UNC79: variants seen among roughly 807,000 people sequenced by gnomAD.
The protein encoded by UNC79 is unc-79 subunit of NALCN channel complex.
Under a neutral mutation model 283.1 loss-of-function variants are expected in UNC79, and 37 were observed. That is an observed-to-expected ratio of 0.13 (90% CI 0.10 to 0.17). UNC79 has a LOEUF of 0.17. UNC79 is among the 10% of genes least tolerant of loss of function. The pLI, the probability that UNC79 is intolerant of heterozygous loss-of-function variation, is 1.00. For missense variants in UNC79, 2,272 were observed against 3,211.1 expected (o/e 0.71, Z 7.07); for synonymous variants, 1,107 against 1,200.2 (o/e 0.92, Z 1.61).
chr14:93,387,661 T>C (rs567730373), intron 1 of UNC79, among the ~76,000 whole-genome samples: 4 of 152,360 alleles, frequency 2.6e-5, no homozygotes, highest in Non-Finnish European at 5.9e-5. Flanking sequence ...AACTAACACA[T>C]GGTCCTTCCT....
At chr14:93,604,683 C>A (rs547300986) in intron 26 of UNC79, among the ~76,000 whole-genome samples, 1 of 152,244 alleles carries the variant, frequency 6.6e-6, no homozygotes, top group African/African-American at 2.4e-5. Flanking sequence ...ATTCACATGA[C>A]AATTTTGAAG....
intron 1 of UNC79, among the ~76,000 whole-genome samples, chr14:93,455,367 T>C (rs142480734): frequency 6.2e-4 from 94 of 152,314 alleles, no homozygotes; most frequent in Non-Finnish European, 6.6e-4. Flanking sequence ...CATTTCTGAA[T>C]ATATCTTTTT....
chr14:93,621,384 G>A lies in UNC79; in HGVS notation c.4388-237G>A, dbSNP rs948300155. ...ATGAACAGAGCTGAGGAATTATCCC[G>A]AAGCCCGATTTTGGAAATCAGATCT... On this transcript the variant is annotated intron_variant, in intron 29 of 48. Transcript: ENST00000555664. The surrounding 1 kb of genome is among the most constrained non-coding windows in gnomAD (Gnocchi z 4.8). 6.6e-6 allele frequency among the ~76,000 whole-genome samples: 1 copy of A among 152,276 alleles called. No homozygotes were observed. The highest frequency in any genetic ancestry group is 2.1e-4 in the South Asian group (1 of 4,826).
intron 14 of UNC79, among the ~76,000 whole-genome samples, chr14:93,562,898 C>T (rs992138652): frequency 2.0e-5 from 3 of 152,088 alleles, no homozygotes; most frequent in African/African-American, 4.8e-5. Flanking sequence ...GGCAAATCCC[C>T]GAGCTTGATG....
At chr14:93,587,015 C>A (rs2064268044) in intron 22 of UNC79, 107 bp downstream of exon 22, 5 of 1,376,538 alleles carry the variant, frequency 3.6e-6, no homozygotes, top group Non-Finnish European at 4.9e-6. Flanking sequence ...TTTTTTGAGC[C>A]AGGACAGCTC....
chr14:93,362,431 C>T (rs777331027), intron 1 of UNC79, among the ~76,000 whole-genome samples: 1 of 152,106 alleles, frequency 6.6e-6, no homozygotes, highest in Non-Finnish European at 1.5e-5. Context: ...TCACTGCAAC[C>T]TCCACCTCCC....
intron 27 of UNC79, among the ~76,000 whole-genome samples, chr14:93,615,234 G>C (rs927717306): frequency 2.0e-5 from 3 of 152,148 alleles, no homozygotes; most frequent in Non-Finnish European, 4.4e-5. Flanking sequence ...TTGTCAATTA[G>C]CTCAAATAGA....
chr14:93,408,379 AC>A (rs1566917350), intron 1 of UNC79, among the ~76,000 whole-genome samples: 3 of 152,226 alleles, frequency 2.0e-5, no homozygotes, highest in Non-Finnish European at 4.4e-5. Context: ...CCTAAAGTAA[AC>A]TATGGACTTT....
chr14:93,680,890 C>G (rs1037076305), intron 41 of UNC79, among the ~76,000 whole-genome samples: 2 of 152,202 alleles, frequency 1.3e-5, no homozygotes, highest in Admixed American at 6.5e-5. Context: ...GGGAGTGTTC[C>G]TTCTGTTCAC....
At chr14:93,372,986 C>T (rs549004674) in intron 1 of UNC79, among the ~76,000 whole-genome samples, 22 of 152,172 alleles carry the variant, frequency 1.4e-4, no homozygotes, top group East Asian at 3.9e-4. Flanking sequence ...CACAATGAAA[C>T]GAAACCAGAA....
At chr14:93,358,066 A>C (rs1418528852) in intron 1 of UNC79, among the ~76,000 whole-genome samples, 4 of 151,280 alleles carry the variant, frequency 2.6e-5, no homozygotes, top group African/African-American at 9.7e-5. Context: ...GAGGAACAGA[A>C]TATTAAGGAT....
intron 7 of UNC79, among the ~76,000 whole-genome samples, chr14:93,519,690 C>T (rs1245049354): frequency 6.6e-6 from 1 of 150,780 alleles, no homozygotes; most frequent in Non-Finnish European, 1.5e-5. Flanking sequence ...TATTTTATTT[C>T]TGTATTGTAC....
Position 93,690,044 on chromosome 14 carries a change from A to G in UNC79, c.7086-73A>G, listed in dbSNP as rs2074567194. 4 of 1,513,262 alleles carry G rather than the reference A, an allele frequency of 2.6e-6. No homozygotes were observed. Among genetic ancestry groups the G allele is most frequent in the Non-Finnish European group, 3.6e-6 (4 of 1,111,478 alleles). The allele number at this position is 1,513,262 out of a possible 1,614,324, so 93.7% of individuals were successfully genotyped here. On this transcript the variant is annotated intron_variant, in intron 44 of 48. Coordinates refer to ENST00000555664, the Ensembl canonical transcript of UNC79. This position sits in a 1 kb window ranked among gnomAD's most constrained non-coding sequence, Gnocchi z 4.3. ...GACCACACTTTCAATCCCTTCCTTC[A>G]ATAAGCATTTGTTATGCACCCAATG...
At chr14:93,497,054 C>T in intron 6 of UNC79, 103 bp from the exon 7 acceptor site, 1 of 1,324,002 alleles carries the variant, frequency 7.6e-7, no homozygotes, top group East Asian at 2.3e-5. Context: ...TTACTCACCT[C>T]AATCCCTCCA....
intron 1 of UNC79, among the ~76,000 whole-genome samples, chr14:93,444,264 C>T (rs2056398918): frequency 6.6e-6 from 1 of 152,034 alleles, no homozygotes; most frequent in Non-Finnish European, 1.5e-5. Flanking sequence ...ATTTCTGTTC[C>T]AATCTTTGGT....
At chr14:93,640,575 C>T (rs1003691848) in intron 32 of UNC79, among the ~76,000 whole-genome samples, 6 of 152,204 alleles carry the variant, frequency 3.9e-5, no homozygotes, top group African/African-American at 1.4e-4. Flanking sequence ...CTGCAGTGAG[C>T]TGTGCTCACG....
chr14:93,347,365 C>G, intron 1 of UNC79: 1 of 1,570,246 alleles, frequency 6.4e-7, no homozygotes, highest in Non-Finnish European at 8.6e-7. Context: ...CCACTCGGGG[C>G]CCCCGCGCCA....
At chr14:93,665,694 A>G (rs1958106) in intron 40 of UNC79, among the ~76,000 whole-genome samples, 92,636 of 151,518 alleles carry the variant, frequency 0.61, 28,873 homozygotes, top group Admixed American at 0.68. Flanking sequence ...TCAACAGCAC[A>G]ATAGAAGCCA....
intron 47 of UNC79, among the ~76,000 whole-genome samples, chr14:93,701,930 G>T (rs1033677788): frequency 2.6e-5 from 4 of 152,150 alleles, no homozygotes; most frequent in African/African-American, 9.7e-5. Flanking sequence ...ACTGGGAAAG[G>T]TATCCACCCA....
Sources: allele counts gnomAD v4.1 joint callset (sites outside exome capture counted in the v4.1 genomes callset), GRCh38; gene constraint gnomAD v4.1.1; non-coding constraint Gnocchi (gnomAD v3.1); transcripts MANE v1.5; gene names NCBI Gene and HGNC (gene_info 2026-07-23, HGNC 2026-07-21).